Variants in TDP1 observed in about 807,000 individuals in gnomAD.
TDP1 encodes the protein tyr-DNA phosphodiesterase 1.
Under a neutral mutation model 81.5 loss-of-function variants are expected in TDP1, and 64 were observed. The ratio of observed to expected loss-of-function variants is 0.79; its 90% confidence interval spans 0.64 to 0.97. TDP1 has a LOEUF of 0.97. Ranked by LOEUF, TDP1 falls within the 50% of genes least tolerant of loss-of-function variation. The pLI, the probability that TDP1 is intolerant of heterozygous loss-of-function variation, is 0.00. For synonymous variants in TDP1, 256 were observed against 264.3 expected (o/e 0.97, Z 0.30); for missense variants, 723 against 743.8 (o/e 0.97, Z 0.33).
chr14:90,000,645 A>G (rs1440468712), intron 14 of TDP1, among the ~76,000 whole-genome samples: 1 of 152,124 alleles, frequency 6.6e-6, no homozygotes, highest in Non-Finnish European at 1.5e-5. Context: ...TCGGCCCCCC[A>G]AAGTGCTGGG....
At chr14:89,965,344 CTG>C (rs34258347) in intron 3 of TDP1, among the ~76,000 whole-genome samples, 14,981 of 152,090 alleles carry the variant, frequency 0.099, 1,920 homozygotes, top group African/African-American at 0.3. Flanking sequence ...CAAACCCCGA[CTG>C]TACCCCTTTC....
At chr14:89,982,236 T>G (rs567870240) in intron 8 of TDP1, among the ~76,000 whole-genome samples, 3 of 152,210 alleles carry the variant, frequency 2.0e-5, no homozygotes, top group Admixed American at 1.3e-4. Context: ...ACTGAAAATA[T>G]GCTTTTCAAA....
intron 8 of TDP1, among the ~76,000 whole-genome samples, chr14:89,981,105 C>A (rs1244688354): frequency 6.6e-6 from 1 of 152,182 alleles, no homozygotes. Context: ...CTTACCACTT[C>A]CCAAACAGGA....
chr14:90,025,449 A>G (rs1886542082), intron 15 of TDP1, among the ~76,000 whole-genome samples: 1 of 152,104 alleles, frequency 6.6e-6, no homozygotes, highest in South Asian at 2.1e-4. Context: ...GAGAAACCTA[A>G]CTTGTAAAGT....
rs1888604972 is a variant in TDP1, at chr14:90,044,045, G to A, written c.*902G>A. The A allele has an allele frequency of 6.6e-6, 1 of 152,224 alleles. No individual in the cohort carries two copies. The highest frequency in any genetic ancestry group is 1.9e-4 in the East Asian group (1 of 5,200). 9.4% of individuals were successfully genotyped at this position (152,224 alleles called of 1,614,324 possible). A position where few individuals can be genotyped will look rare whatever the true frequency, so the allele number is the denominator to read the frequency against. ...GAATTGTATTGACTGTCCTCACAGC[G>A]GCTTTTCATAGCTTTCAGCTTCAGC... On this transcript the variant is annotated 3_prime_UTR_variant, in exon 17 of 17. Transcript: ENST00000335725.
chr14:90,007,602 G>A (rs908058972), intron 14 of TDP1, among the ~76,000 whole-genome samples: 1 of 151,868 alleles, frequency 6.6e-6, no homozygotes, highest in East Asian at 1.9e-4. Context: ...GCGGGAAACT[G>A]GGACAAAGTA....
At chr14:90,010,780 T>C (rs573061554) in intron 14 of TDP1, among the ~76,000 whole-genome samples, 118 of 152,342 alleles carry the variant, frequency 7.7e-4, no homozygotes, top group Non-Finnish European at 1.4e-3. Context: ...AATGAATCTT[T>C]GTTTTAAGTC....
rs1416718342 is a variant in TDP1 at position 89,984,615 on chromosome 14, G to A, written c.984G>A (p.Met328Ile). 1 of 1,613,946 alleles carries A rather than the reference G, an allele frequency of 6.2e-7. No individual in the cohort carries two copies. The highest frequency in any genetic ancestry group is 8.5e-7 in the Non-Finnish European group (1 of 1,180,022). Residue 328 changes from methionine to isoleucine, a missense_variant, in exon 9 of 17, where the codon ATG becomes ATA. Coordinates refer to ENST00000335725, the MANE Select transcript of TDP1 (RefSeq NM_018319.4). ...HFKADLISYLMAYNAPSLKEW... is the reference protein window; with the variant it reads ...HFKADLISYLIAYNAPSLKEW... ...AAGCTGATCTCATCAGTTACTTGAT[G>A]GCTTATAATGCCCCTTCTCTCAAGG...
intron 15 of TDP1, among the ~76,000 whole-genome samples, chr14:90,021,213 CTA>C (rs958449493): frequency 1.3e-5 from 2 of 152,192 alleles, no homozygotes; most frequent in African/African-American, 4.8e-5. Context: ...TCTCACCAGT[CTA>C]TCCATTCTTT....
At chr14:89,966,426 A>G (rs1470507279) in intron 4 of TDP1, among the ~76,000 whole-genome samples, 1 of 152,240 alleles carries the variant, frequency 6.6e-6, no homozygotes, top group African/African-American at 2.4e-5. Flanking sequence ...CCGCTGGCCA[A>G]GAAGTCACTT....
At chr14:90,037,484 C>T (rs929505913) in intron 16 of TDP1, among the ~76,000 whole-genome samples, 1 of 152,134 alleles carries the variant, frequency 6.6e-6, no homozygotes, top group Non-Finnish European at 1.5e-5. Context: ...TAAAAAAATA[C>T]ACATATGAGT....
At chr14:90,011,473 G>A (rs1884696434) in intron 14 of TDP1, among the ~76,000 whole-genome samples, 1 of 152,184 alleles carries the variant, frequency 6.6e-6, no homozygotes, top group Non-Finnish European at 1.5e-5. Context: ...GGAAAGTTTG[G>A]AACTTCCTAA....
intron 8 of TDP1, among the ~76,000 whole-genome samples, chr14:89,982,075 C>T (rs1162445881): frequency 6.6e-6 from 1 of 152,134 alleles, no homozygotes; most frequent in Non-Finnish European, 1.5e-5. Flanking sequence ...TAAAGCAGTC[C>T]TTCAGAGTTT....
At chr14:90,017,206 G>A (rs1489511938) in intron 14 of TDP1, among the ~76,000 whole-genome samples, 2 of 151,586 alleles carry the variant, frequency 1.3e-5, no homozygotes, top group Admixed American at 6.6e-5. Context: ...CATGACGGGC[G>A]TGTGTGTGCA....
intron 16 of TDP1, among the ~76,000 whole-genome samples, chr14:90,039,467 G>A (rs750174416): frequency 1.1e-4 from 16 of 152,092 alleles, no homozygotes; most frequent in South Asian, 4.1e-4. Context: ...CTGCTCAGGC[G>A]AAGACAGTGA....
chr14:89,961,436 C>T (rs1181935083), intron 2 of TDP1, among the ~76,000 whole-genome samples: 1 of 152,144 alleles, frequency 6.6e-6, no homozygotes, highest in East Asian at 1.9e-4. Flanking sequence ...TATTTAGCTG[C>T]TGAAGAAAAA....
intron 15 of TDP1, among the ~76,000 whole-genome samples, chr14:90,028,857 G>A (rs1886944502): frequency 6.6e-6 from 1 of 152,160 alleles, no homozygotes; most frequent in South Asian, 2.1e-4. Context: ...GGCCCAGGCT[G>A]TAAAGAACCA....
intron 13 of TDP1, among the ~76,000 whole-genome samples, chr14:89,992,796 A>T (rs894684687): frequency 5.9e-5 from 9 of 152,186 alleles, no homozygotes; most frequent in African/African-American, 1.9e-4. Flanking sequence ...TTATATTCAT[A>T]AGTAAAGATT....
At chr14:89,983,481 A>C (rs1895224425) in intron 8 of TDP1, among the ~76,000 whole-genome samples, 1 of 152,208 alleles carries the variant, frequency 6.6e-6, no homozygotes, top group Admixed American at 6.5e-5. Flanking sequence ...GCATCTTGCC[A>C]GTCTCCTTCA....
Sources: gnomAD v4.1 joint callset for allele counts (sites outside exome capture counted in the v4.1 genomes callset) on GRCh38, gnomAD v4.1.1 for gene constraint, MANE v1.5 for transcripts, NCBI Gene and HGNC (gene_info 2026-07-23, HGNC 2026-07-21) for gene names.